The following TMED3 variants were observed in gnomAD, a reference collection of about 807,000 sequenced individuals.
The protein encoded by TMED3 is transmembrane p24 trafficking protein 3.
Under a neutral mutation model 15.0 loss-of-function variants are expected in TMED3, and 9 were observed. That is an observed-to-expected ratio of 0.60 (90% CI 0.36 to 1.04). The LOEUF (loss-of-function observed/expected upper bound fraction) is 1.04, where lower values mean the gene tolerates loss of function less well. Among genes scored for constraint, TMED3 ranks in the 50% least tolerant of loss-of-function variants. The probability of loss-of-function intolerance (pLI) is 0.01; values close to 1 mark genes in which losing one functional copy is unlikely to be tolerated. For missense variants in TMED3, 267 were observed against 278.9 expected (o/e 0.96, Z 0.30); for synonymous variants, 117 against 121.4 (o/e 0.96, Z 0.24).
At chr15:79,391,712 C>T (rs1037762313) in intron 2 of TMED3, among the ~76,000 whole-genome samples, 1 of 152,086 alleles carries the variant, frequency 6.6e-6, no homozygotes. Context: ...GTGTTGCTGC[C>T]TATCTCATTT....
intron 2 of TMED3, among the ~76,000 whole-genome samples, chr15:79,366,484 C>T (rs571723012): frequency 5.3e-5 from 8 of 152,272 alleles, no homozygotes; most frequent in Non-Finnish European, 8.8e-5. Context: ...TCATGATTAA[C>T]TTCCATGGCT....
At chr15:79,393,966 G>A (rs918231010) in intron 2 of TMED3, among the ~76,000 whole-genome samples, 1 of 150,470 alleles carries the variant, frequency 6.6e-6, no homozygotes, top group African/African-American at 2.4e-5. Context: ...CCAAATGTTG[G>A]GATTACATGC....
At chr15:79,334,270 AT>A (rs766529038) in intron 2 of TMED3, among the ~76,000 whole-genome samples, 6 of 152,222 alleles carry the variant, frequency 3.9e-5, no homozygotes, top group Non-Finnish European at 5.9e-5. Flanking sequence ...ATGCAGTGAT[AT>A]TTGAACTAAA....
chr15:79,318,236 T>C (rs576231130), intron 2 of TMED3, among the ~76,000 whole-genome samples: 7 of 152,292 alleles, frequency 4.6e-5, no homozygotes, highest in African/African-American at 1.7e-4. Flanking sequence ...CCGCTCTGCA[T>C]ACCCTTCTGT....
At chr15:79,403,887 T>C (rs572022103) in intron 2 of TMED3, among the ~76,000 whole-genome samples, 7 of 152,326 alleles carry the variant, frequency 4.6e-5, no homozygotes, top group African/African-American at 1.2e-4. Flanking sequence ...ATTCTAGATA[T>C]TGGGGACACT....
At chr15:79,401,661 G>A (rs900452754) in intron 2 of TMED3, among the ~76,000 whole-genome samples, 2 of 152,162 alleles carry the variant, frequency 1.3e-5, no homozygotes, top group Non-Finnish European at 2.9e-5. Flanking sequence ...GAAAAACGAA[G>A]AACAGTGACA....
At chr15:79,412,769 T>A (rs1894006442) in exon 3 of TMED3, 1 of 152,616 alleles carries the variant, frequency 6.6e-6, no homozygotes, top group Non-Finnish European at 1.5e-5. Flanking sequence ...GAGGACAGAT[T>A]CCACTGCCAC....
chr15:79,342,056 A>G (rs1418394369), intron 2 of TMED3, among the ~76,000 whole-genome samples: 2 of 152,228 alleles, frequency 1.3e-5, no homozygotes, highest in African/African-American at 4.8e-5. Context: ...AAAAACGTGG[A>G]TGGGGGCAGA....
In TMED3 at chr15:79,336,093, C is replaced by G. The variant is rs575585267; in HGVS notation, c.417+22088C>G. Among the ~76,000 whole-genome samples the G allele has an allele frequency of 7.2e-4, 109 of 152,334 alleles. 1 individual carries two copies. Among genetic ancestry groups the G allele is most frequent in the Non-Finnish European group, 3.7e-4 (25 of 68,038 alleles). ...ACTAAGTTTGTAAGATCAATACAAG[C>G]CATTCCTGATGAAAAATTTTGATAA... On this transcript the variant is annotated intron_variant, in intron 2 of 2. Coordinates refer to the TMED3 transcript ENST00000424155.
exon 3 of TMED3, chr15:79,411,720 A>T (rs1893983789): frequency 9.8e-6 from 5 of 510,544 alleles, no homozygotes; most frequent in Non-Finnish European, 1.8e-5. Flanking sequence ...CTTGACCACC[A>T]CAGACACTTG....
chr15:79,324,369 A>G (rs184209032), downstream of TMED3, among the ~76,000 whole-genome samples: 14 of 152,342 alleles, frequency 9.2e-5, no homozygotes, highest in African/African-American at 3.1e-4. Flanking sequence ...ATTTTTTGTT[A>G]TAGAGAAATA....
intron 2 of TMED3, among the ~76,000 whole-genome samples, chr15:79,372,467 A>G (rs1893357769): frequency 6.6e-6 from 1 of 152,234 alleles, no homozygotes; most frequent in Admixed American, 6.5e-5. Flanking sequence ...GAGGCTGGGT[A>G]ATTTACAAAG....
chr15:79,365,789 T>G (rs1023485112), intron 2 of TMED3, among the ~76,000 whole-genome samples: 1 of 152,248 alleles, frequency 6.6e-6, no homozygotes, highest in Non-Finnish European at 1.5e-5. Context: ...TTTTTTCCTT[T>G]TGGCACAGAG....
intron 2 of TMED3, among the ~76,000 whole-genome samples, chr15:79,394,882 C>A (rs80097720): frequency 2.0e-5 from 3 of 152,124 alleles, no homozygotes; most frequent in African/African-American, 4.8e-5. Flanking sequence ...CTCTTCTTCC[C>A]CAAAGGTAAG....
intron 2 of TMED3, among the ~76,000 whole-genome samples, chr15:79,377,260 G>C (rs1430156676): frequency 7.2e-6 from 1 of 139,522 alleles, no homozygotes; most frequent in African/African-American, 2.8e-5. Context: ...CCTAAGTGGA[G>C]AGTGTGTGCA....
chr15:79,331,542 C>CAAAAAAAAAAAAAAAAAAAAAAAA (rs71451761), intron 2 of TMED3, among the ~76,000 whole-genome samples: 1 of 89,286 alleles, frequency 1.1e-5, no homozygotes, highest in South Asian at 3.8e-4. Context: ...GCAAAAGAAG[C>CAAAAAAAAAAAAAAAAAAAAAAAA]AAAAAAAAAA....
intron 2 of TMED3, among the ~76,000 whole-genome samples, chr15:79,406,246 T>C (rs1297889071): frequency 6.6e-6 from 1 of 152,220 alleles, no homozygotes; most frequent in African/African-American, 2.4e-5. Context: ...TGAGGGGCTG[T>C]TTCTTGGACT....
At position 79,311,350 on chromosome 15, in the gene TMED3, C is replaced by G. The variant is rs757573726; in HGVS notation, c.101C>G (p.Pro34Arg). Reference protein sequence around the residue: ...PCGAELTFELPDNAKQCFHEE... With the variant: ...PCGAELTFELRDNAKQCFHEE... ...GGGGCCGAGCTCACCTTCGAGCTGC[C>G]GGACAACGCCAAGCAGTGCTTCCAC... is the stretch of plus-strand genomic sequence containing the variant. The change falls in exon 1 of 3, where the codon CCG becomes CGG. Residue 34 changes from proline to arginine, a missense_variant. Around this residue, in one of 3 missense-constraint regions of TMED3, gnomAD observed 59 missense variants for 47.0 expected, o/e 1.26. Transcript: ENST00000299705. 5.6e-6 allele frequency: 9 copies of G among 1,611,612 alleles called. No individual in the cohort carries two copies. The highest frequency in any genetic ancestry group is 4.5e-5 in the East Asian group (2 of 44,736).
In TMED3 at chr15:79,390,404, G is replaced by A. The variant is rs146892686; in HGVS notation, c.418-20996G>A. On this transcript the variant is annotated intron_variant, in intron 2 of 2. Transcript: ENST00000424155. Reference sequence around the variant, plus strand: ...TGGCGTATCACATTTATTGACTTGCGTATGTTAAACCATCCCTGCATCCCC... The same window carrying A: ...TGGCGTATCACATTTATTGACTTGCATATGTTAAACCATCCCTGCATCCCC... Among the ~76,000 whole-genome samples, 78 of 152,120 alleles carry A rather than the reference G, an allele frequency of 5.1e-4. No homozygotes were observed. The South Asian group carries it at 8.7e-3, about 17-fold the overall frequency.
Sources: allele counts gnomAD v4.1 joint callset (sites outside exome capture counted in the v4.1 genomes callset), GRCh38; gene constraint gnomAD v4.1.1; regional missense constraint gnomAD v4.1.1; transcripts MANE v1.5; gene names NCBI Gene and HGNC (gene_info 2026-07-23, HGNC 2026-07-21).